Variants in ZNF568 observed in about 807,000 individuals in gnomAD.
ZNF568 encodes p53 inhibitor of SCO2 activation.
ZNF568 carries 11 observed loss-of-function variants against 18.1 expected under a neutral mutation model. That is an observed-to-expected ratio of 0.61 (90% confidence interval 0.38 to 1.00). ZNF568 has a LOEUF of 1.00. Ranked by LOEUF, ZNF568 falls within the 50% of genes least tolerant of loss-of-function variation. The probability of loss-of-function intolerance (pLI) is 0.01; values close to 1 mark genes in which losing one functional copy is unlikely to be tolerated. For synonymous variants in ZNF568, 213 were observed against 246.6 expected, an observed-to-expected ratio of 0.86 and a Z score of 1.28; for missense variants, 639 against 768.2, an observed-to-expected ratio of 0.83 and a Z score of 1.99.
intron 6 of ZNF568, among the ~76,000 whole-genome samples, chr19:36,971,788 C>G (rs1348109838): frequency 6.7e-6 from 1 of 149,464 alleles, no homozygotes; most frequent in African/African-American, 2.5e-5. Context: ...CTGCCTGCCT[C>G]GGCCTCCCAA....
intron 6 of ZNF568, among the ~76,000 whole-genome samples, chr19:36,970,524 G>A (rs2074228243): frequency 6.6e-6 from 1 of 151,608 alleles, no homozygotes; most frequent in Non-Finnish European, 1.5e-5. Flanking sequence ...TTTGTAGAAA[G>A]GGGGTTTTGC....
At chr19:36,989,489 T>A (rs1039061279) in intron 2 of ZNF568, among the ~76,000 whole-genome samples, 1 of 152,206 alleles carries the variant, frequency 6.6e-6, no homozygotes, top group Non-Finnish European at 1.5e-5. Context: ...TGGCCAAGGC[T>A]GCTGTCTCTT....
At chr19:36,992,697 C>T (rs1005307644) in intron 4 of ZNF568, among the ~76,000 whole-genome samples, 1 of 152,086 alleles carries the variant, frequency 6.6e-6, no homozygotes, top group Non-Finnish European at 1.5e-5. Context: ...TAAAATTCAT[C>T]CATTTAAAGT....
intron 6 of ZNF568, among the ~76,000 whole-genome samples, chr19:36,945,176 T>C (rs2073941769): frequency 6.6e-6 from 1 of 151,918 alleles, no homozygotes; most frequent in South Asian, 2.1e-4. Flanking sequence ...CTCTCTTTTA[T>C]GTGCAAATGG....
intron 4 of ZNF568, among the ~76,000 whole-genome samples, chr19:36,995,530 C>T (rs1600865171): frequency 6.6e-6 from 1 of 152,124 alleles, no homozygotes; most frequent in South Asian, 2.1e-4. Context: ...AATATGTTTA[C>T]ATTTAATACA....
At chr19:36,982,589 C>T (rs140692992), downstream of ZNF568, among the ~76,000 whole-genome samples, 313 of 152,124 alleles carry the variant, frequency 2.1e-3, 3 homozygotes, top group African/African-American at 7.3e-3. Context: ...GCCTGTAATC[C>T]TAGCTATTTG....
intron 6 of ZNF568, among the ~76,000 whole-genome samples, chr19:36,961,297 T>G (rs1453133927): frequency 6.6e-6 from 1 of 151,714 alleles, no homozygotes; most frequent in Non-Finnish European, 1.5e-5. Flanking sequence ...TTTTTAACTC[T>G]TTTTGACTTA....
intron 6 of ZNF568, among the ~76,000 whole-genome samples, chr19:36,964,177 T>G (rs2074176598): frequency 6.6e-6 from 1 of 151,484 alleles, no homozygotes; most frequent in Non-Finnish European, 1.5e-5. Context: ...ACATAAACAT[T>G]TGTTAGATTT....
At chr19:36,979,865 C>T (rs186817858) in exon 8 of ZNF568, 49 of 152,190 alleles carry the variant, frequency 3.2e-4, no homozygotes, top group African/African-American at 1.0e-3. Context: ...TACTTCGTAT[C>T]CTCACCAACA....
chr19:36,927,891 ATATATATATATATTTTTTTTTTTTTTT>A (rs2073601155), intron 4 of ZNF568, among the ~76,000 whole-genome samples: 3 of 24,776 alleles, frequency 1.2e-4, no homozygotes, highest in African/African-American at 7.3e-4. Context: ...TATATATTAT[ATATATATATATATTTTTTTTTTTTTTT>A]TTTTTTTTTT....
intron 2 of ZNF568, among the ~76,000 whole-genome samples, chr19:36,989,634 G>C (rs551011512): frequency 6.6e-6 from 1 of 152,006 alleles, no homozygotes; most frequent in South Asian, 2.1e-4. Flanking sequence ...GGTCACTTCA[G>C]CCTCAACCTC....
At chr19:36,974,367 T>C in intron 6 of ZNF568, 1 of 1,507,168 alleles carries the variant, frequency 6.6e-7, no homozygotes, top group Non-Finnish European at 8.9e-7. Context: ...CCCAAGGGGT[T>C]CAGGGAGGGA....
intron 6 of ZNF568, among the ~76,000 whole-genome samples, chr19:36,941,212 A>G (rs1456175831): frequency 2.0e-5 from 3 of 152,216 alleles, no homozygotes; most frequent in Non-Finnish European, 4.4e-5. Context: ...AGTTACCCAC[A>G]GCTGATGGAA....
chr19:36,983,362 T>C (rs997516), downstream of ZNF568, among the ~76,000 whole-genome samples: 26,593 of 152,184 alleles, frequency 0.17, 2,345 homozygotes, highest in Middle Eastern at 0.21. Flanking sequence ...AAGGCCACTC[T>C]TCAGATTATT....
At chr19:36,992,926 C>G (rs567740373) in intron 4 of ZNF568, among the ~76,000 whole-genome samples, 1 of 152,220 alleles carries the variant, frequency 6.6e-6, no homozygotes, top group South Asian at 2.1e-4. Flanking sequence ...TTTCACTTAC[C>G]AGAATGTTTT....
In ZNF568 at chr19:36,949,818, T is replaced by G; in HGVS notation, c.665T>G (p.Phe222Cys). 1 of 1,613,970 alleles carries G rather than the reference T, an allele frequency of 6.2e-7. No homozygotes were observed. Among genetic ancestry groups the G allele is most frequent in the Non-Finnish European group, 8.5e-7 (1 of 1,179,948 alleles). ...YHCASYVVTPFKCNQCGQDFS... is the reference protein window; with the variant it reads ...YHCASYVVTPCKCNQCGQDFS... ...TGTGCATCCTATGTTGTAACCCCCTTTAAGTGTAATCAGTGTGGACAAGAC... is the reference window on the plus strand; with the variant it reads ...TGTGCATCCTATGTTGTAACCCCCTGTAAGTGTAATCAGTGTGGACAAGAC... The change falls in exon 7 of 7, where the codon TTT becomes TGT. Residue 222 changes from phenylalanine to cysteine, a missense_variant. Coordinates refer to ENST00000333987, the MANE Select transcript of ZNF568 (RefSeq NM_198539.4).
intron 6 of ZNF568, among the ~76,000 whole-genome samples, chr19:36,966,014 A>G (rs2074191919): frequency 6.6e-6 from 1 of 150,718 alleles, no homozygotes; most frequent in South Asian, 2.1e-4. Context: ...TACAGGATAT[A>G]AGGTTAATAT....
rs201442020 is a variant in ZNF568 at position 36,968,236 on chromosome 19, AAC to A, written c.359-6180_359-6179del. ...AATACATACAAATTTATATGAGAGT[AAC>A]ACATATTAATTTACATGAAAATGTA... On this transcript the variant is annotated intron_variant, in intron 6 of 7. Transcript: ENST00000427117. 6.3e-3 allele frequency among the ~76,000 whole-genome samples: 957 copies of A among 151,634 alleles called. 28 individuals are homozygous for A. The highest frequency in any genetic ancestry group is 0.05 in the East Asian group (258 of 5,188).
chr19:36,954,696 G>C (rs1003119172), downstream of ZNF568, among the ~76,000 whole-genome samples: 1 of 151,284 alleles, frequency 6.6e-6, no homozygotes, highest in East Asian at 1.9e-4. Flanking sequence ...AGCCTCCCAA[G>C]CAGCTGGGAC....
Sources: gnomAD v4.1 joint callset for allele counts (sites outside exome capture counted in the v4.1 genomes callset) on GRCh38, gnomAD v4.1.1 for gene constraint, MANE v1.5 for transcripts, NCBI Gene and HGNC (gene_info 2026-07-23, HGNC 2026-07-21) for gene names.